The following IL17RA variants were observed in gnomAD, a reference collection of about 807,000 sequenced individuals.
The protein encoded by IL17RA is interleukin-17 receptor A.
Under a neutral mutation model 50.4 loss-of-function variants are expected in IL17RA, and 34 were observed. The observed-to-expected ratio is 0.67, with a 90% CI of 0.51 to 0.90. The LOEUF is 0.90. Ranked by LOEUF, IL17RA falls within the 40% of genes least tolerant of loss-of-function variation. The pLI, the probability that IL17RA is intolerant of heterozygous loss-of-function variation, is 0.00. For missense variants in IL17RA, 1,276 were observed against 1,169.8 expected, an observed-to-expected ratio of 1.09 and a Z score of -1.32; for synonymous variants, 585 against 510.4, an observed-to-expected ratio of 1.15 and a Z score of -1.97.
At chr22:17,102,082 C>A in intron 6 of IL17RA, 39 bp downstream of exon 6, 1 of 1,612,058 alleles carries the variant, frequency 6.2e-7, no homozygotes, top group Non-Finnish European at 8.5e-7. Context: ...TGGATGCATA[C>A]ACATGCACAT....
chr22:17,087,051 C>G (rs1456783564), intron 1 of IL17RA, among the ~76,000 whole-genome samples: 1 of 152,220 alleles, frequency 6.6e-6, no homozygotes. Flanking sequence ...GTCTCTCGTT[C>G]TCTTCCTTCC....
chr22:17,108,488 A>G lies in IL17RA; in HGVS notation c.1269A>G (p.Ala423=). ...DLLEEQAISE[A]GVMTWVGRQK... ...TGGAAGAGCAGGCCATCTCGGAGGC[A>G]GGAGTCATGACCTGGGTGGGCCGTC... Residue 423 remains alanine (A), a synonymous_variant, in exon 13 of 13, where the codon GCA becomes GCG. Coordinates refer to ENST00000319363, the MANE Select transcript of IL17RA (RefSeq NM_014339.7). 1.9e-6 allele frequency: 3 copies of G among 1,613,282 alleles called. No individual in the cohort carries two copies. The highest frequency in any genetic ancestry group is 2.5e-6 in the Non-Finnish European group (3 of 1,180,028).
rs143008696 is a variant in IL17RA at position 17,097,075 on chromosome 22, C to T, written c.152C>T (p.Thr51Met). ...TTTTTTCCACAGGGGCTAAACTGCA[C>T]GGTCAAGAATAGTAAGTCATCTTTT... The part of the protein sequence containing the change: ...LVCSQPGLNC[T>M]VKNSTCLDDS... The change falls in exon 2 of 13, where the codon ACG becomes ATG. Residue 51 changes from threonine to methionine, a missense_variant. By Grantham distance (81) the Thr-to-Met change is moderately conservative. Coordinates refer to ENST00000319363, the MANE Select transcript of IL17RA (RefSeq NM_014339.7). 3.7e-3 allele frequency: 5,923 copies of T among 1,613,292 alleles called. 11 individuals are homozygous for T. Among genetic ancestry groups the T allele is most frequent in the Non-Finnish European group, 4.6e-3 (5,415 of 1,179,316 alleles).
intron 1 of IL17RA, among the ~76,000 whole-genome samples, chr22:17,088,139 T>C (rs2061334804): frequency 6.6e-6 from 1 of 152,182 alleles, no homozygotes; most frequent in Admixed American, 6.5e-5. Flanking sequence ...GCACAGCTAA[T>C]GAGTGCTAAG....
Position 17,108,901 on chromosome 22 carries a change from G to A in IL17RA, c.1682G>A (p.Ser561Asn), listed in dbSNP as rs753613197. 6.2e-7 allele frequency: 1 copy of A among 1,611,416 alleles called. No homozygotes were observed. The highest frequency in any genetic ancestry group is 8.5e-7 in the Non-Finnish European group (1 of 1,179,266). ...GELSGDNYLR[S>N]PGGRQLRAAL... ...CTGTCGGGGGACAACTACCTGCGGAGCCCGGGCGGCAGGCAGCTCCGCGCC... is the reference window on the plus strand; with the variant it reads ...CTGTCGGGGGACAACTACCTGCGGAACCCGGGCGGCAGGCAGCTCCGCGCC... Residue 561 changes from serine (S) to asparagine (N), a missense_variant, in exon 13 of 13, where the codon AGC (serine) becomes AAC (asparagine). By Grantham distance (46) the Ser-to-Asn change is conservative. Coordinates refer to ENST00000319363, the MANE Select transcript of IL17RA (RefSeq NM_014339.7).
intron 1 of IL17RA, among the ~76,000 whole-genome samples, chr22:17,094,691 C>CTCTCTCTCTCTATATATATATATATATA (rs1448096911): frequency 4.0e-5 from 1 of 24,692 alleles, no homozygotes; most frequent in Non-Finnish European, 6.7e-5. Context: ...CTCTCTCTCT[C>CTCTCTCTCTCTATATATATATATATATA]TATATATATA....
rs145526959 is a variant in IL17RA at position 17,109,395 on chromosome 22, T to G, written c.2176T>G (p.Ser726Ala). The G allele has an allele frequency of 6.8e-5, 110 of 1,612,914 alleles. 1 individual carries two copies. In the African/African-American group the frequency reaches 1.4e-3, roughly 20 times the overall value. ...CTTCCTCCCCGTGGACCCCGAGGACTCGCCCCTTGGCAGCAGCACCCCCAT... is the reference window on the plus strand; with the variant it reads ...CTTCCTCCCCGTGGACCCCGAGGACGCGCCCCTTGGCAGCAGCACCCCCAT... ...VLFLPVDPED[S>A]PLGSSTPMAS... Residue 726 changes from serine (S) to alanine (A), a missense_variant, in exon 13 of 13, where the codon TCG becomes GCG. Coordinates refer to ENST00000319363, the MANE Select transcript of IL17RA (RefSeq NM_014339.7).
Position 17,108,797 on chromosome 22 carries a change from G to C in IL17RA, c.1578G>C (p.Met526Ile). ...GCGCGGCGCCGCGGTACCCGCTCAT[G>C]GACAGGTTCGAGGAGGTGTACTTCC... ...LFGAAPRYPLMDRFEEVYFRI... is the reference protein window; with the variant it reads ...LFGAAPRYPLIDRFEEVYFRI... The change falls in exon 13 of 13, where the codon ATG (methionine) becomes ATC (isoleucine). Residue 526 changes from methionine (M) to isoleucine (I), a missense_variant. By Grantham distance (10) the Met-to-Ile change is conservative. Coordinates refer to ENST00000319363, the MANE Select transcript of IL17RA (RefSeq NM_014339.7). 1 of 1,607,606 alleles carries C rather than the reference G, an allele frequency of 6.2e-7. No individual in the cohort carries two copies. Among genetic ancestry groups the C allele is most frequent in the Non-Finnish European group, 8.5e-7 (1 of 1,177,152 alleles).
At chr22:17,097,531 C>A (rs2061372615) in intron 2 of IL17RA, 1 of 569,646 alleles carries the variant, frequency 1.8e-6, no homozygotes, top group South Asian at 2.0e-5. Flanking sequence ...TGCCCTTATT[C>A]CCAATCACAA....
In IL17RA at chr22:17,109,290, G is replaced by T; in HGVS notation, c.2071G>T (p.Ala691Ser). The change falls in exon 13 of 13, where the codon GCA (alanine) becomes TCA (serine). Residue 691 changes from alanine to serine, a missense_variant. Coordinates refer to ENST00000319363, the MANE Select transcript of IL17RA (RefSeq NM_014339.7). The part of the protein sequence containing the change: ...VEPGPLADGA[A>S]VRLALAGEGE... ...GCCTGGGCCCCTGGCTGACGGTGCCGCAGTCCGGCTGGCACTGGCGGGGGA... is the reference window on the plus strand; with the variant it reads ...GCCTGGGCCCCTGGCTGACGGTGCCTCAGTCCGGCTGGCACTGGCGGGGGA... 1 of 1,525,032 alleles carries T rather than the reference G, an allele frequency of 6.6e-7. No homozygotes were observed. The highest frequency in any genetic ancestry group is 1.2e-5 in the South Asian group (1 of 82,374). The allele number at this position is 1,525,032 out of a possible 1,614,324, so 94.5% of individuals were successfully genotyped here.
At chr22:17,105,241 A>G (rs1418237930) in intron 9 of IL17RA, among the ~76,000 whole-genome samples, 1 of 152,110 alleles carries the variant, frequency 6.6e-6, no homozygotes, top group Non-Finnish European at 1.5e-5. Flanking sequence ...TGAGGCACAG[A>G]GATGTTGAAT....
intron 1 of IL17RA, among the ~76,000 whole-genome samples, chr22:17,094,689 CTCTATATATATATATATA>C (rs2061361725): frequency 2.5e-5 from 1 of 39,310 alleles, no homozygotes; most frequent in African/African-American, 1.4e-4. Flanking sequence ...CTCTCTCTCT[CTCTATATATATATATATA>C]TATATATATA....
Position 17,108,442 on chromosome 22 carries a change from CG to C in IL17RA, c.1225del (p.Glu409LysfsTer18). ...FAQFLLTACGTEVALDLLEEQ... is the reference protein window; with the variant it reads ...FAQFLLTACGXEVALDLLEEQ... ...CAGTTCCTGCTCACCGCCTGCGGCA[CG>C]GAAGTGGCCCTGGACCTGCTGGAAG... On this transcript the variant is annotated frameshift_variant, in exon 13 of 13. Transcript: ENST00000319363. LOFTEE classifies it low-confidence loss of function (END_TRUNC). The C allele has an allele frequency of 6.2e-7, 1 of 1,613,946 alleles. No homozygotes were observed. The highest frequency in any genetic ancestry group is 8.5e-7 in the Non-Finnish European group (1 of 1,180,042).
At chr22:17,086,758 G>A (rs1435574642) in intron 1 of IL17RA, among the ~76,000 whole-genome samples, 1 of 152,202 alleles carries the variant, frequency 6.6e-6, no homozygotes, top group African/African-American at 2.4e-5. Flanking sequence ...AAAGGCATTT[G>A]GGCAGCCCTG....
At chr22:17,090,169 C>T (rs1220419352) in intron 1 of IL17RA, among the ~76,000 whole-genome samples, 1 of 152,160 alleles carries the variant, frequency 6.6e-6, no homozygotes, top group East Asian at 1.9e-4. Flanking sequence ...ACTACAGGCG[C>T]ACGCCTCCAT....
In IL17RA at chr22:17,108,589, C is replaced by G; in HGVS notation, c.1370C>G (p.Ala457Gly). The change falls in exon 13 of 13, where the codon GCG (alanine) becomes GGG (glycine). Residue 457 changes from alanine (A) to glycine (G), a missense_variant. Physicochemically the swap from Ala to Gly is moderately conservative, Grantham distance 60 (BLOSUM62 0). Coordinates refer to ENST00000319363, the MANE Select transcript of IL17RA (RefSeq NM_014339.7). ...CSRGTRAKWQ[A>G]LLGRGAPVRL... The stretch of plus-strand genomic sequence containing the variant: ...CGCGGCACGCGCGCCAAGTGGCAGG[C>G]GCTCCTGGGCCGGGGGGCGCCTGTG... 1.2e-6 allele frequency: 2 copies of G among 1,605,164 alleles called. No homozygotes were observed. Among genetic ancestry groups the G allele is most frequent in the Non-Finnish European group, 1.7e-6 (2 of 1,179,672 alleles).
At position 17,092,039 on chromosome 22, in the gene IL17RA, G is replaced by A. The variant is rs566399931; in HGVS notation, c.139-5023G>A. On this transcript the variant is annotated intron_variant, in intron 1 of 12. Transcript: ENST00000319363. ...GGTCCCGGGAAGCAAGTTAGGATTA[G>A]AGGGCTGGGACGTTTAGCCCCACCC... Among the ~76,000 whole-genome samples, 4 of 152,306 alleles carry A rather than the reference G, an allele frequency of 2.6e-5. No individual in the cohort carries two copies. In the South Asian group the frequency reaches 8.3e-4, roughly 32 times the overall value.
intron 1 of IL17RA, among the ~76,000 whole-genome samples, chr22:17,088,366 T>G (rs533874177): frequency 6.6e-6 from 1 of 152,306 alleles, no homozygotes; most frequent in Non-Finnish European, 1.5e-5. Context: ...TCGCCCAGGC[T>G]GGAGTGCAGT....
chr22:17,105,015 A>G (rs1207023107), intron 9 of IL17RA, among the ~76,000 whole-genome samples: 3 of 152,160 alleles, frequency 2.0e-5, no homozygotes, highest in African/African-American at 7.2e-5. Context: ...TTCATTAGCT[A>G]TGTAGCCTTA....
Sources: allele counts gnomAD v4.1 joint callset (sites outside exome capture counted in the v4.1 genomes callset), GRCh38; gene constraint gnomAD v4.1.1; transcripts MANE v1.5; gene names NCBI Gene and HGNC (gene_info 2026-07-23, HGNC 2026-07-21).